Variants in HERC2 observed in about 807,000 individuals in gnomAD.
HERC2 encodes E3 ubiquitin-protein ligase HERC2.
Under a neutral mutation model 537.7 loss-of-function variants are expected in HERC2, and 102 were observed. The ratio of observed to expected loss-of-function variants is 0.19; its 90% confidence interval spans 0.16 to 0.22. The LOEUF is 0.22. Among genes scored for constraint, HERC2 ranks in the 10% least tolerant of loss-of-function variants. The pLI is 1.00. For synonymous variants in HERC2, 2,224 were observed against 2,466.2 expected (o/e 0.90, Z 2.91); for missense variants, 4,236 against 6,198.2 (o/e 0.68, Z 10.63).
chr15:28,223,029 C>T (rs2140515984), intron 35 of HERC2, among the ~76,000 whole-genome samples: 2 of 152,184 alleles, frequency 1.3e-5, no homozygotes, highest in Non-Finnish European at 2.9e-5. Context: ...AAACTATAGC[C>T]CTGAGTTCAA....
intron 44 of HERC2, among the ~76,000 whole-genome samples, chr15:28,209,545 G>A (rs371271684): frequency 1.5e-4 from 23 of 152,104 alleles, no homozygotes; most frequent in African/African-American, 4.1e-4. Flanking sequence ...GAGTTTCACC[G>A]TGTTAGCCAG....
At chr15:28,131,842 G>A (rs945125706) in intron 81 of HERC2, among the ~76,000 whole-genome samples, 17 of 152,182 alleles carry the variant, frequency 1.1e-4, no homozygotes, top group South Asian at 4.1e-4. Flanking sequence ...CACGGTGCCC[G>A]GATGATCCCA....
intron 4 of HERC2, among the ~76,000 whole-genome samples, chr15:28,292,475 T>C (rs1463150651): frequency 6.6e-6 from 1 of 152,034 alleles, no homozygotes; most frequent in Admixed American, 6.6e-5. Flanking sequence ...TGCAAGAATA[T>C]AAAACAATGT....
At chr15:28,130,472 A>C (rs1889992538) in intron 82 of HERC2, 31 bp downstream of exon 82, 1 of 1,604,124 alleles carries the variant, frequency 6.2e-7, no homozygotes, top group Non-Finnish European at 8.5e-7. Flanking sequence ...ATCTGGTTTT[A>C]GTGGGTTTAA....
rs778322124 is a variant in HERC2 at position 28,265,590 on chromosome 15, T to C, written c.1870+28A>G. The C allele has an allele frequency of 6.3e-7, 1 of 1,585,760 alleles. No individual in the cohort carries two copies. The highest frequency in any genetic ancestry group is 8.7e-7 in the Non-Finnish European group (1 of 1,155,442). ...GCTGCCATGCGTGTCCTCGTGGGCC[T>C]GTCCAGGGTGGCGAGAGCTCTACGT... On this transcript the variant is annotated intron_variant, in intron 14 of 92. Transcript: ENST00000261609. This position sits in a 1 kb window ranked among gnomAD's most constrained non-coding sequence, Gnocchi z 4.0.
intron 90 of HERC2, among the ~76,000 whole-genome samples, chr15:28,114,240 G>A (rs973188053): frequency 1.1e-4 from 16 of 152,312 alleles, no homozygotes; most frequent in Admixed American, 8.5e-4. Context: ...TCACACCTGG[G>A]CGCCTGGCAA....
chr15:28,175,261 A>C (rs1895153694), intron 64 of HERC2, among the ~76,000 whole-genome samples: 1 of 152,064 alleles, frequency 6.6e-6, no homozygotes, highest in South Asian at 2.1e-4. Flanking sequence ...CAGTCTTTCC[A>C]CACACTTTTC....
chr15:28,295,064 G>A (rs968938847), intron 3 of HERC2, among the ~76,000 whole-genome samples: 11 of 152,008 alleles, frequency 7.2e-5, no homozygotes, highest in Non-Finnish European at 1.5e-4. Context: ...AAACCACAAT[G>A]AGATCCCACT....
At chr15:28,277,185 A>AG (rs943937277) in intron 5 of HERC2, among the ~76,000 whole-genome samples, 2 of 152,184 alleles carry the variant, frequency 1.3e-5, no homozygotes, top group Non-Finnish European at 2.9e-5. Context: ...AGGTGGGGAG[A>AG]GAAGACGTGA....
At position 28,175,647 on chromosome 15, in the gene HERC2, C is replaced by T. The variant is rs763724727; in HGVS notation, c.9696G>A (p.Gly3232=). The part of the protein sequence containing the change: ...KSGVVWTWGK[G]DYFRLGHGSD... ...AGCCGTGGCCCAATCTGAAGTAATC[C>T]CCCTTTCCCCTGAGAGAAGGCCCAT... is the stretch of plus-strand genomic sequence containing the variant. The change falls in exon 64 of 93, where the codon GGG becomes GGA. Residue 3232 remains glycine (G), a synonymous_variant. Transcript: ENST00000261609. The T allele has an allele frequency of 6.2e-7, 1 of 1,614,116 alleles. No individual in the cohort carries two copies. The highest frequency in any genetic ancestry group is 2.2e-5 in the East Asian group (1 of 44,854).
At chr15:28,209,707 C>G (rs570317648) in intron 44 of HERC2, among the ~76,000 whole-genome samples, 2 of 152,198 alleles carry the variant, frequency 1.3e-5, no homozygotes, top group Non-Finnish European at 2.9e-5. Flanking sequence ...AAATACTACA[C>G]CATTTTATAG....
intron 52 of HERC2, among the ~76,000 whole-genome samples, chr15:28,193,540 G>A (rs775071685): frequency 3.3e-5 from 5 of 152,132 alleles, no homozygotes; most frequent in Non-Finnish European, 7.3e-5. Context: ...AGAGAATAGA[G>A]CAGAGGCAAC....
chr15:28,160,194 G>T (rs1345896917), intron 69 of HERC2, among the ~76,000 whole-genome samples: 1 of 152,328 alleles, frequency 6.6e-6, no homozygotes, highest in East Asian at 1.9e-4. Flanking sequence ...ACCCACTTGA[G>T]GAGGCAGTCT....
At chr15:28,267,661 T>C (rs2075605222) in intron 12 of HERC2, among the ~76,000 whole-genome samples, 1 of 152,266 alleles carries the variant, frequency 6.6e-6, no homozygotes, top group Non-Finnish European at 1.5e-5. Context: ...CGATACGCAT[T>C]ACTCTGCTTT....
At chr15:28,126,014 G>A (rs1333022060) in intron 83 of HERC2, among the ~76,000 whole-genome samples, 1 of 152,222 alleles carries the variant, frequency 6.6e-6, no homozygotes, top group Non-Finnish European at 1.5e-5. Flanking sequence ...GTTTCACCAT[G>A]TGGGTCAGGC....
At chr15:28,252,333 C>A (rs552453452) in intron 20 of HERC2, among the ~76,000 whole-genome samples, 1 of 151,908 alleles carries the variant, frequency 6.6e-6, no homozygotes, top group African/African-American at 2.4e-5. Context: ...ACGGGCACTG[C>A]CCTCGTGAGA....
chr15:28,315,443 G>C (rs1250971589), intron 2 of HERC2, among the ~76,000 whole-genome samples: 1 of 152,324 alleles, frequency 6.6e-6, no homozygotes, highest in Admixed American at 6.5e-5. Context: ...CTATGGGGTC[G>C]GACAAGGTTT....
At chr15:28,199,924 A>C (rs991583140) in intron 48 of HERC2, among the ~76,000 whole-genome samples, 1 of 152,188 alleles carries the variant, frequency 6.6e-6, no homozygotes, top group Non-Finnish European at 1.5e-5. Flanking sequence ...AAACAGCATG[A>C]AAGGAGAGGA....
intron 2 of HERC2, among the ~76,000 whole-genome samples, chr15:28,309,516 T>C (rs2141264002): frequency 6.6e-6 from 1 of 152,324 alleles, no homozygotes; most frequent in South Asian, 2.1e-4. Flanking sequence ...TCTCCCTTTT[T>C]CCATCCCCCC....
Sources: allele counts gnomAD v4.1 joint callset (sites outside exome capture counted in the v4.1 genomes callset), GRCh38; gene constraint gnomAD v4.1.1; non-coding constraint Gnocchi (gnomAD v3.1); transcripts MANE v1.5; gene names NCBI Gene and HGNC (gene_info 2026-07-23, HGNC 2026-07-21).